The following MAPKBP1 variants were observed in gnomAD, a reference collection of about 807,000 sequenced individuals.
MAPKBP1 encodes mitogen-activated protein kinase binding protein 1.
A neutral mutation model predicts 170.5 loss-of-function variants in MAPKBP1; 71 were observed. The ratio of observed to expected loss-of-function variants is 0.42; its 90% CI spans 0.34 to 0.51. The LOEUF (loss-of-function observed/expected upper bound fraction) is 0.51. Among genes scored for constraint, MAPKBP1 ranks in the 20% least tolerant of loss-of-function variants. The pLI, the probability that MAPKBP1 is intolerant of heterozygous loss-of-function variation, is 0.06. For missense variants in MAPKBP1, 1,598 were observed against 1,933.0 expected, an observed-to-expected ratio of 0.83 and a Z score of 3.25; for synonymous variants, 719 against 757.9, an observed-to-expected ratio of 0.95 and a Z score of 0.84.
At chr15:41,792,009 C>G (rs551227631) in intron 2 of MAPKBP1, among the ~76,000 whole-genome samples, 1 of 150,322 alleles carries the variant, frequency 6.7e-6, no homozygotes, top group Non-Finnish European at 1.5e-5. Context: ...CAGCCGAGAT[C>G]GTGCCATTGC....
rs779814196 is a variant in MAPKBP1, at chr15:41,821,576, G to T, written c.2719-8G>T. 1 of 1,613,158 alleles carries T rather than the reference G, an allele frequency of 6.2e-7. No individual in the cohort carries two copies. The highest frequency in any genetic ancestry group is 1.1e-5 in the South Asian group (1 of 91,044). ...CTGCTCTGTTAACATCCCTTTGTGT[G>T]TTCCCAGAATGAAAAGCCCCCTCGG... On this transcript the variant is annotated splice_region_variant and splice_polypyrimidine_tract_variant and intron_variant, in intron 23 of 30. Transcript: ENST00000457542.
At position 41,776,952 on chromosome 15, in the gene MAPKBP1, A is replaced by G. The variant is rs149260260; in HGVS notation, c.114+1563A>G. On this transcript the variant is annotated intron_variant, in intron 2 of 30. Coordinates refer to ENST00000457542, the MANE Select transcript of MAPKBP1 (RefSeq NM_014994.3). ...TTATGGCTAGTCAGACATGTAAACA[A>G]TTAAAACACGGTGTGGTAAGTGCTG... Among the ~76,000 whole-genome samples, 921 of 152,346 alleles carry G rather than the reference A, an allele frequency of 6.0e-3. 14 individuals are homozygous for G. The highest frequency in any genetic ancestry group is 0.021 in the African/African-American group (886 of 41,574).
chr15:41,818,093 C>T lies in MAPKBP1; in HGVS notation c.1980+9C>T. 1.9e-6 allele frequency: 3 copies of T among 1,613,958 alleles called. No homozygotes were observed. The highest frequency in any genetic ancestry group is 2.5e-6 in the Non-Finnish European group (3 of 1,179,882). ...ACGGCACACTCATTAAGGTAAGGAC[C>T]CAGAGGGGGTACTGGACAGGGGCTC... is the stretch of plus-strand genomic sequence containing the variant. On this transcript the variant is annotated intron_variant, in intron 17 of 30. Coordinates refer to ENST00000457542, the MANE Select transcript of MAPKBP1 (RefSeq NM_014994.3). The surrounding 1 kb of genome is among the most constrained non-coding windows in gnomAD (Gnocchi z 5.2).
Position 41,820,885 on chromosome 15 carries a change from C to A in MAPKBP1, c.2535C>A (p.Pro845=). The change falls in exon 23 of 31, where the codon CCC becomes CCA. Residue 845 remains proline, a synonymous_variant. Transcript: ENST00000457542. ...LDPAPAANPG[P]RRRGRWVQPG... is the part of the protein sequence containing the mutation. ...CAGCTCCTGCAGCCAACCCAGGACC[C>A]AGAAGAAGAGGGCGCTGGGTTCAGC... 6.2e-7 allele frequency: 1 copy of A among 1,614,138 alleles called. No homozygotes were observed. Among genetic ancestry groups the A allele is most frequent in the South Asian group, 1.1e-5 (1 of 91,074 alleles).
In MAPKBP1 at chr15:41,824,573, G is replaced by A. The variant is rs1416966800; in HGVS notation, c.4299+4G>A. On this transcript the variant is annotated splice_donor_region_variant and intron_variant, in intron 30 of 30. Transcript: ENST00000457542. The stretch of plus-strand genomic sequence containing the variant: ...GGCAGTGCGGCTCTACCACTCGGTG[G>A]GTGTTAGGTGCCCCCCGGCAGGAAG... 2.5e-6 allele frequency: 4 copies of A among 1,587,940 alleles called. No individual in the cohort carries two copies. In the South Asian group the frequency reaches 3.4e-5, roughly 14 times the overall value.
At chr15:41,791,865 G>C (rs1023726562) in intron 2 of MAPKBP1, among the ~76,000 whole-genome samples, 2 of 152,014 alleles carry the variant, frequency 1.3e-5, no homozygotes, top group East Asian at 3.9e-4. Flanking sequence ...AGACCAGCCT[G>C]ACCAACATGG....
At chr15:41,811,884 T>C (rs2064812785) in intron 5 of MAPKBP1, 73 bp from the exon 6 acceptor site, 15 of 1,537,474 alleles carry the variant, frequency 9.8e-6, no homozygotes, top group Admixed American at 1.8e-5. Flanking sequence ...AGGGCCCCGC[T>C]CTGGAAGACG....
chr15:41,778,390 G>C (rs989253446), intron 2 of MAPKBP1, among the ~76,000 whole-genome samples: 1 of 152,224 alleles, frequency 6.6e-6, no homozygotes, highest in Non-Finnish European at 1.5e-5. Context: ...GCAGTGCTCA[G>C]TAAAGGGTTC....
In MAPKBP1 at chr15:41,815,278, A is replaced by G. The variant is rs1596090354; in HGVS notation, c.1190A>G (p.Asp397Gly). ...WSVEVYPEVKDSNQACLPPSS... is the reference protein window; with the variant it reads ...WSVEVYPEVKGSNQACLPPSS... ...CTTCAGGTCTACCCCGAGGTGAAGG[A>G]TAGTAACCAGGCCTGCCTGCCCCCC... The change falls in exon 11 of 31, where the codon GAT (aspartate) becomes GGT (glycine). Residue 397 changes from aspartate (D) to glycine (G), a missense_variant. Transcript: ENST00000457542. 2 of 1,614,158 alleles carry G rather than the reference A, an allele frequency of 1.2e-6. No homozygotes were observed. The highest frequency in any genetic ancestry group is 1.7e-6 in the Non-Finnish European group (2 of 1,180,028).
rs527497353 is a variant in MAPKBP1, at chr15:41,812,171, A to G, written c.498+44A>G. 2.2e-5 allele frequency: 36 copies of G among 1,610,512 alleles called. No individual in the cohort carries two copies. In the East Asian group the frequency reaches 6.7e-4, roughly 30 times the overall value. On this transcript the variant is annotated intron_variant, in intron 6 of 30. Coordinates refer to ENST00000457542, the MANE Select transcript of MAPKBP1 (RefSeq NM_014994.3). ...TGGCCTGGCAGCCTCACAGGGGTCA[A>G]GTGTCAGCTGGGGAGGCAAGAGACT...
Position 41,816,921 on chromosome 15 carries a change from C to T in MAPKBP1, c.1597C>T (p.Leu533=). 1 of 1,608,700 alleles carries T rather than the reference C, an allele frequency of 6.2e-7. No homozygotes were observed. Among genetic ancestry groups the T allele is most frequent in the Admixed American group, 1.7e-5 (1 of 59,624 alleles). Residue 533 remains leucine, a synonymous_variant, in exon 14 of 31, where the codon CTA becomes TTA. Transcript: ENST00000457542. ...YSKPDTGLKL[L]ASASRDRLIH... is the part of the protein sequence containing the mutation. ...TCTTTCATCCCCAGGTCTGAAACTG[C>T]TAGCATCGGCGAGCCGGGACCGGCT...
chr15:41,800,150 C>T (rs555032346), intron 3 of MAPKBP1, among the ~76,000 whole-genome samples: 2 of 152,328 alleles, frequency 1.3e-5, no homozygotes, highest in Admixed American at 6.5e-5. Flanking sequence ...CACAGATTTA[C>T]ACTTTATGTT....
At chr15:41,780,071 G>T (rs1410194957) in intron 2 of MAPKBP1, among the ~76,000 whole-genome samples, 1 of 152,136 alleles carries the variant, frequency 6.6e-6, no homozygotes, top group Non-Finnish European at 1.5e-5. Flanking sequence ...AAATAGCCCA[G>T]CCTCTTCAGG....
Position 41,820,876 on chromosome 15 carries a change from C to G in MAPKBP1, c.2526C>G (p.Asn842Lys). The G allele has an allele frequency of 6.2e-7, 1 of 1,614,074 alleles. No homozygotes were observed. The highest frequency in any genetic ancestry group is 1.7e-5 in the Admixed American group (1 of 60,006). Residue 842 changes from asparagine (N) to lysine (K), a missense_variant, in exon 23 of 31, where the codon AAC (asparagine) becomes AAG (lysine). Asn to Lys is a moderately conservative substitution (Grantham distance 94, BLOSUM62 0). Transcript: ENST00000457542. ...TCCTGGACCCAGCTCCTGCAGCCAA[C>G]CCAGGACCCAGAAGAAGAGGGCGCT... is the stretch of plus-strand genomic sequence containing the variant. ...VGFLDPAPAA[N>K]PGPRRRGRWV... is the part of the protein sequence containing the mutation.
chr15:41,823,257 G>C, intron 28 of MAPKBP1, 35 bp downstream of exon 28: 1 of 1,601,626 alleles, frequency 6.2e-7, no homozygotes, highest in South Asian at 1.1e-5. Flanking sequence ...CCAGGGTGCA[G>C]GGTGTATGGA....
At position 41,813,074 on chromosome 15, in the gene MAPKBP1, G is replaced by C; in HGVS notation, c.792G>C (p.Arg264Ser). 6.2e-7 allele frequency: 1 copy of C among 1,609,746 alleles called. No individual in the cohort carries two copies. Among genetic ancestry groups the C allele is most frequent in the Non-Finnish European group, 8.5e-7 (1 of 1,177,686 alleles). ...TGCTGTGCGAGTTCAGTGATCGAAG[G>C]CTTTTGGACAAGTGGGTGGAGCTGA... ...SGLLCEFSDR[R>S]LLDKWVELRT... Residue 264 changes from arginine (R) to serine (S), a missense_variant, in exon 8 of 31, where the codon AGG becomes AGC. Arg to Ser is a moderately radical substitution (Grantham distance 110). Coordinates refer to ENST00000457542, the MANE Select transcript of MAPKBP1 (RefSeq NM_014994.3).
At chr15:41,805,277 A>C (rs1277977157) in intron 3 of MAPKBP1, among the ~76,000 whole-genome samples, 1 of 152,140 alleles carries the variant, frequency 6.6e-6, no homozygotes, top group Non-Finnish European at 1.5e-5. Flanking sequence ...TCCCCACGGG[A>C]AGCCCCCCTA....
chr15:41,810,926 C>T lies in MAPKBP1; in HGVS notation c.250C>T (p.His84Tyr). The T allele has an allele frequency of 5.6e-6, 9 of 1,614,134 alleles. No homozygotes were observed. Among genetic ancestry groups the T allele is most frequent in the Non-Finnish European group, 7.6e-6 (9 of 1,180,034 alleles). ...LFNPRKHKQHHILNSSRKTIT... is the reference protein window; with the variant it reads ...LFNPRKHKQHYILNSSRKTIT... ...CAATCCCCGGAAACACAAACAGCAC[C>T]ACATCCTCAACAGTTCCAGGTAAAT... is the stretch of plus-strand genomic sequence containing the variant. Residue 84 changes from histidine to tyrosine, a missense_variant, in exon 4 of 31, where the codon CAC becomes TAC. Around this residue, in one of 6 missense-constraint regions of MAPKBP1, gnomAD observed 151 missense variants for 191.4 expected, o/e 0.79. Transcript: ENST00000457542.
rs1437314957 is a variant in MAPKBP1, at chr15:41,817,587, G to T, written c.1783-27G>T. On this transcript the variant is annotated intron_variant, in intron 15 of 30. Coordinates refer to ENST00000457542, the MANE Select transcript of MAPKBP1 (RefSeq NM_014994.3). This position sits in a 1 kb window ranked among gnomAD's most constrained non-coding sequence, Gnocchi z 4.2. ...GGCCTGGTGAGGCATTTGGGTGTGG[G>T]CCTGCCCACATGCTCCACCCCTGCA... 6.2e-7 allele frequency: 1 copy of T among 1,614,110 alleles called. No individual in the cohort carries two copies. Among genetic ancestry groups the T allele is most frequent in the Middle Eastern group, 1.7e-4 (1 of 6,028 alleles).
Sources: gnomAD v4.1 joint callset for allele counts (sites outside exome capture counted in the v4.1 genomes callset) on GRCh38, gnomAD v4.1.1 for gene constraint, gnomAD v4.1.1 regional missense constraint, Gnocchi (gnomAD v3.1) non-coding constraint, MANE v1.5 for transcripts, NCBI Gene and HGNC (gene_info 2026-07-23, HGNC 2026-07-21) for gene names.